The following ARFIP1 variants were observed in gnomAD, a reference collection of about 807,000 sequenced individuals.
ARFIP1 encodes ARF interacting protein 1.
Under a neutral mutation model 42.5 loss-of-function variants are expected in ARFIP1, and 24 were observed. That is an observed-to-expected ratio of 0.57 (90% CI 0.41 to 0.80). The LOEUF is 0.80. ARFIP1 is among the 30% of genes least tolerant of loss of function. The pLI is 0.00. For missense variants in ARFIP1, 354 were observed against 434.0 expected (o/e 0.82, Z 1.64); for synonymous variants, 141 against 153.7 (o/e 0.92, Z 0.61).
chr4:152,818,761 A>G (rs1160290536), intron 1 of ARFIP1, among the ~76,000 whole-genome samples: 1 of 152,078 alleles, frequency 6.6e-6, no homozygotes, highest in Non-Finnish European at 1.5e-5. Context: ...GCTGCCTAGG[A>G]CCTAGGTGGC....
chr4:152,893,551 A>T (rs1299497674), intron 8 of ARFIP1, among the ~76,000 whole-genome samples: 1 of 152,212 alleles, frequency 6.6e-6, no homozygotes, highest in South Asian at 2.1e-4. Context: ...TGGGAGTGGG[A>T]TCTGAATGTA....
chr4:152,903,833 T>G (rs564271457), intron 8 of ARFIP1, among the ~76,000 whole-genome samples: 1 of 152,118 alleles, frequency 6.6e-6, no homozygotes, highest in South Asian at 2.1e-4. Context: ...CTGTGTTTAG[T>G]CAGCTACTTG....
intron 5 of ARFIP1, among the ~76,000 whole-genome samples, chr4:152,879,622 G>T (rs1735660000): frequency 6.6e-6 from 1 of 152,130 alleles, no homozygotes; most frequent in Admixed American, 6.5e-5. Context: ...GGCCAAGACG[G>T]GCAGATCACT....
chr4:152,886,060 C>G (rs755019838), intron 7 of ARFIP1, among the ~76,000 whole-genome samples: 3 of 152,156 alleles, frequency 2.0e-5, no homozygotes, highest in Non-Finnish European at 2.9e-5. Context: ...ATTTAACTAA[C>G]TAGTTATTAT....
intron 8 of ARFIP1, 93 bp from the exon 9 acceptor site, chr4:152,909,971 A>G: frequency 6.9e-7 from 1 of 1,456,482 alleles, no homozygotes; most frequent in Admixed American, 2.0e-5. Flanking sequence ...TTCAAGAGAG[A>G]TACACTATTT....
chr4:152,837,114 C>T (rs1037554655), intron 2 of ARFIP1, among the ~76,000 whole-genome samples: 1 of 152,148 alleles, frequency 6.6e-6, no homozygotes, highest in Non-Finnish European at 1.5e-5. Flanking sequence ...TTAATTCATT[C>T]CTCTTTATGC....
At chr4:152,907,913 C>A (rs145233389) in intron 8 of ARFIP1, among the ~76,000 whole-genome samples, 5 of 152,298 alleles carry the variant, frequency 3.3e-5, no homozygotes, top group African/African-American at 4.8e-5. Flanking sequence ...GGTAAAATTA[C>A]AGTTCCATAG....
chr4:152,910,073 T>C lies in ARFIP1; in HGVS notation c.976T>C (p.Leu326=), dbSNP rs369437609. Residue 326 remains leucine (L), a synonymous_variant, in exon 9 of 9, where the codon TTG becomes CTG. Transcript: ENST00000353617. ...KFLEENKVKV[L]HNQLVLFHNA... ...TCTGCCCTGTCCACAGGTTAAAGTA[T>C]TGCACAATCAGCTGGTCCTTTTCCA... 3 of 1,614,058 alleles carry C rather than the reference T, an allele frequency of 1.9e-6. No homozygotes were observed. The African/African-American group carries it at 4.0e-5, about 22-fold the overall frequency.
At chr4:152,840,524 T>C (rs1731973644) in intron 2 of ARFIP1, among the ~76,000 whole-genome samples, 1 of 152,232 alleles carries the variant, frequency 6.6e-6, no homozygotes, top group Non-Finnish European at 1.5e-5. Flanking sequence ...TCTCTTTTAA[T>C]TGCTGTTGCT....
chr4:152,891,006 G>C (rs1370561791), intron 8 of ARFIP1, among the ~76,000 whole-genome samples: 2 of 152,252 alleles, frequency 1.3e-5, no homozygotes, highest in African/African-American at 4.8e-5. Flanking sequence ...TCACAATGAA[G>C]GTACCAGTGT....
rs146931969 is a variant in ARFIP1 at position 152,910,101 on chromosome 4, A to G, written c.1004A>G (p.Asn335Ser). Residue 335 changes from asparagine to serine, a missense_variant, in exon 9 of 9, where the codon AAT (asparagine) becomes AGT (serine). Physicochemically the swap from Asn to Ser is conservative, Grantham distance 46. Coordinates refer to ENST00000353617, the MANE Select transcript of ARFIP1 (RefSeq NM_001025595.3). ...CACAATCAGCTGGTCCTTTTCCACA[A>G]TGCCATTGCCGCTTACTTTGCTGGG... ...VLHNQLVLFH[N>S]AIAAYFAGNQ... The G allele has an allele frequency of 1.9e-6, 3 of 1,614,092 alleles. No homozygotes were observed. The highest frequency in any genetic ancestry group is 1.1e-5 in the South Asian group (1 of 91,094).
chr4:152,787,448 C>G (rs1289566815), intron 1 of ARFIP1, among the ~76,000 whole-genome samples: 4 of 152,244 alleles, frequency 2.6e-5, no homozygotes, highest in Non-Finnish European at 5.9e-5. Context: ...GCCTAGCCCC[C>G]TTCAGCTGCC....
intron 1 of ARFIP1, among the ~76,000 whole-genome samples, chr4:152,781,859 A>C (rs1415378534): frequency 1.3e-5 from 2 of 152,242 alleles, no homozygotes; most frequent in Non-Finnish European, 2.9e-5. Context: ...CTAAGGGTCA[A>C]CAACTTTCAG....
chr4:152,871,439 G>A (rs1436993523), intron 4 of ARFIP1, among the ~76,000 whole-genome samples: 2 of 152,006 alleles, frequency 1.3e-5, no homozygotes, highest in Non-Finnish European at 2.9e-5. Flanking sequence ...TGAACTCCAC[G>A]TTTCTTCTTA....
chr4:152,850,152 A>T (rs1732866877), intron 2 of ARFIP1, among the ~76,000 whole-genome samples: 1 of 152,236 alleles, frequency 6.6e-6, no homozygotes, highest in Non-Finnish European at 1.5e-5. Context: ...AGGCAGGCTC[A>T]TGGAACAGAT....
rs61135783 is a variant in ARFIP1 at position 152,808,283 on chromosome 4, ATTTTTTTTTTTTTTTTTT to A, written c.-9-21325_-9-21308del. On this transcript the variant is annotated intron_variant, in intron 1 of 8. Transcript: ENST00000353617. ...GTGTGAGCCACCACGCCTGGCCTCCATTTTTTTTTTTTTTTTTTTTTTTTTTTTTTTTTTGTAGCAGTA... is the reference window on the plus strand; with the variant it reads ...GTGTGAGCCACCACGCCTGGCCTCCATTTTTTTTTTTTTTTTGTAGCAGTA... Among the ~76,000 whole-genome samples, 47 of 20,320 alleles carry A rather than the reference ATTTTTTTTTTTTTTTTTT, an allele frequency of 2.3e-3. 1 individual carries two copies. The highest frequency in any genetic ancestry group is 6.4e-3 in the East Asian group (4 of 624). The allele number at this position is 20,320 out of a possible 152,430, so 13.3% of individuals were successfully genotyped here.
At chr4:152,793,501 A>G (rs981814895) in intron 1 of ARFIP1, among the ~76,000 whole-genome samples, 2 of 151,920 alleles carry the variant, frequency 1.3e-5, no homozygotes, top group Non-Finnish European at 2.9e-5. Context: ...AGACCCACAT[A>G]CCTGAAACTG....
chr4:152,796,251 C>G (rs1230300758), intron 1 of ARFIP1: 1 of 1,028,146 alleles, frequency 9.7e-7, no homozygotes, highest in Admixed American at 2.0e-5. Flanking sequence ...TTCTTTACAC[C>G]AAGTATTGGT....
chr4:152,782,001 A>G (rs963178246), intron 1 of ARFIP1, among the ~76,000 whole-genome samples: 2 of 152,132 alleles, frequency 1.3e-5, no homozygotes, highest in Non-Finnish European at 2.9e-5. Context: ...ATAGATTAAA[A>G]CCACCACTTA....
Sources: gnomAD v4.1 joint callset for allele counts (sites outside exome capture counted in the v4.1 genomes callset) on GRCh38, gnomAD v4.1.1 for gene constraint, MANE v1.5 for transcripts, NCBI Gene and HGNC (gene_info 2026-07-23, HGNC 2026-07-21) for gene names.